QKI: variants seen among roughly 807,000 people sequenced by gnomAD.
QKI encodes QKI, KH domain containing RNA binding.
A neutral mutation model predicts 39.0 loss-of-function variants in QKI; 10 were observed. That is an observed-to-expected ratio of 0.26 (90% CI 0.16 to 0.43). The LOEUF (loss-of-function observed/expected upper bound fraction) is 0.43, where lower values mean the gene tolerates loss of function less well. Among genes scored for constraint, QKI ranks in the 20% least tolerant of loss-of-function variants. QKI has a pLI of 1.00. For missense variants in QKI, 218 were observed against 428.0 expected (o/e 0.51, Z 4.33); for synonymous variants, 204 against 155.4 (o/e 1.31, Z -2.33).
chr6:163,440,367 T>C (rs189733599), intron 1 of QKI, among the ~76,000 whole-genome samples: 275 of 152,318 alleles, frequency 1.8e-3, no homozygotes, highest in Non-Finnish European at 3.3e-3. Context: ...CTTTCCTAAC[T>C]ATGAAATGAA....
chr6:163,493,830 CA>C (rs1778221037), intron 3 of QKI, among the ~76,000 whole-genome samples: 1 of 107,488 alleles, frequency 9.3e-6, no homozygotes, highest in Non-Finnish European at 2.0e-5. Flanking sequence ...TCTAAAAAAT[CA>C]CTTTTTTAAA....
chr6:163,439,837 A>G (rs536464526), intron 1 of QKI, among the ~76,000 whole-genome samples: 1 of 151,996 alleles, frequency 6.6e-6, no homozygotes, highest in African/African-American at 2.4e-5. Flanking sequence ...TTTAGTAAAG[A>G]TTGAGTTTTG....
At chr6:163,478,514 ATGGACAGT>A (rs1792802797) in intron 2 of QKI, among the ~76,000 whole-genome samples, 1 of 152,180 alleles carries the variant, frequency 6.6e-6, no homozygotes, top group Non-Finnish European at 1.5e-5. Context: ...TTATTTGTTG[ATGGACAGT>A]TGTATCTGTT....
chr6:163,534,987 G>A lies in QKI; in HGVS notation c.408G>A (p.Glu136=), dbSNP rs138051763. 4 of 1,597,418 alleles carry A rather than the reference G, an allele frequency of 2.5e-6. No homozygotes were observed. The highest frequency in any genetic ancestry group is 1.7e-4 in the Middle Eastern group (1 of 5,956). The change falls in exon 4 of 8, where the codon GAG becomes GAA. Residue 136 remains glutamate (E), a synonymous_variant. Coordinates refer to ENST00000361752, the MANE Select transcript of QKI (RefSeq NM_006775.3). The stretch of plus-strand genomic sequence containing the variant: ...GTACTCTGTAAATTTTTTAGGAGGA[G>A]CAAAATAGAGGCAAGCCCAATTGGG... ...KGSMRDKKKE[E]QNRGKPNWEH... is the part of the protein sequence containing the mutation.
intron 1 of QKI, among the ~76,000 whole-genome samples, chr6:163,430,568 G>A (rs1582970948): frequency 6.6e-6 from 1 of 152,130 alleles, no homozygotes; most frequent in Non-Finnish European, 1.5e-5. Flanking sequence ...GGAGGAATAG[G>A]TACATCTGGA....
chr6:163,476,099 A>T (rs894728928), intron 2 of QKI, among the ~76,000 whole-genome samples: 2 of 152,208 alleles, frequency 1.3e-5, no homozygotes, highest in African/African-American at 2.4e-5. Context: ...GCTTAGCTTC[A>T]TTAGTAGTCA....
intron 4 of QKI, among the ~76,000 whole-genome samples, chr6:163,560,497 G>A (rs1002843695): frequency 5.3e-5 from 8 of 152,148 alleles, no homozygotes; most frequent in Non-Finnish European, 7.3e-5. Flanking sequence ...TTGTGGGGAT[G>A]GGGATAGGTA....
intron 3 of QKI, among the ~76,000 whole-genome samples, chr6:163,504,285 G>A (rs566030263): frequency 6.6e-6 from 1 of 152,118 alleles, no homozygotes; most frequent in Non-Finnish European, 1.5e-5. Flanking sequence ...TTGAAGTTGG[G>A]TAATGTGATA....
intron 3 of QKI, among the ~76,000 whole-genome samples, chr6:163,494,500 C>T (rs1185739300): frequency 6.6e-6 from 1 of 152,204 alleles, no homozygotes; most frequent in African/African-American, 2.4e-5. Context: ...GTCATTCAGA[C>T]ACGCACACAG....
chr6:163,546,355 G>A (rs1216016346), intron 4 of QKI, among the ~76,000 whole-genome samples: 1 of 151,768 alleles, frequency 6.6e-6, no homozygotes, highest in Non-Finnish European at 1.5e-5. Flanking sequence ...TTATAGTAGG[G>A]TGCATTGAAC....
At chr6:163,458,456 T>C (rs1027437018) in intron 2 of QKI, among the ~76,000 whole-genome samples, 3 of 152,264 alleles carry the variant, frequency 2.0e-5, no homozygotes, top group African/African-American at 7.2e-5. Context: ...ATAAATGGTG[T>C]ATTCACAATA....
chr6:163,546,565 A>G (rs777277668), intron 4 of QKI, among the ~76,000 whole-genome samples: 14 of 152,110 alleles, frequency 9.2e-5, no homozygotes, highest in African/African-American at 1.4e-4. Flanking sequence ...GTCCCTTACT[A>G]TATTTACTTT....
At chr6:163,466,631 C>CG (rs1175236554) in intron 2 of QKI, among the ~76,000 whole-genome samples, 1 of 152,088 alleles carries the variant, frequency 6.6e-6, no homozygotes, top group Non-Finnish European at 1.5e-5. Context: ...GAGAAAGAAT[C>CG]GTCTCTTCAA....
At chr6:163,508,503 C>T (rs1190481020) in intron 3 of QKI, among the ~76,000 whole-genome samples, 2 of 145,628 alleles carry the variant, frequency 1.4e-5, no homozygotes, top group Non-Finnish European at 3.0e-5. Context: ...TTTTCTTTTT[C>T]TTTTCTTTCT....
chr6:163,502,044 C>T (rs1475237525), intron 3 of QKI, among the ~76,000 whole-genome samples: 6 of 151,960 alleles, frequency 3.9e-5, no homozygotes, highest in Admixed American at 2.0e-4. Context: ...ATATTCTTGC[C>T]GGGCATGGTG....
chr6:163,555,522 A>AAG (rs1470974420), intron 4 of QKI, among the ~76,000 whole-genome samples: 1 of 150,916 alleles, frequency 6.6e-6, no homozygotes, highest in East Asian at 1.9e-4. Flanking sequence ...AAAAAAAAAA[A>AAG]AAAAAAAAGC....
At position 163,480,258 on chromosome 6, in the gene QKI, T is replaced by TC. The variant is rs1383600439; in HGVS notation, c.402+1362_402+1363insC. On this transcript the variant is annotated intron_variant, in intron 3 of 7. Coordinates refer to ENST00000361752, the MANE Select transcript of QKI (RefSeq NM_006775.3). ...GTCTGTCTGTCTGTCTGTCTGTCTCTTTCTCTCTCTCTCTCTCTCTTTCTT... is the reference window on the plus strand; with the variant it reads ...GTCTGTCTGTCTGTCTGTCTGTCTCTCTTCTCTCTCTCTCTCTCTCTTTCTT... Among the ~76,000 whole-genome samples the TC allele has an allele frequency of 8.5e-5, 13 of 152,120 alleles. 1 individual carries two copies. Among genetic ancestry groups the TC allele is most frequent in the African/African-American group, 3.1e-4 (13 of 41,408 alleles).
At chr6:163,544,529 T>TA (rs1308202289) in intron 4 of QKI, among the ~76,000 whole-genome samples, 88 of 152,224 alleles carry the variant, frequency 5.8e-4, no homozygotes, top group Admixed American at 2.9e-3. Context: ...GAACATCACT[T>TA]ACACTTTGCG....
intron 1 of QKI, among the ~76,000 whole-genome samples, chr6:163,422,019 G>A (rs1420731048): frequency 6.6e-6 from 1 of 151,792 alleles, no homozygotes; most frequent in African/African-American, 2.4e-5. Flanking sequence ...TGATCTGACC[G>A]CCTCGGCCTC....
Sources: allele counts gnomAD v4.1 joint callset (sites outside exome capture counted in the v4.1 genomes callset), GRCh38; gene constraint gnomAD v4.1.1; transcripts MANE v1.5; gene names NCBI Gene and HGNC (gene_info 2026-07-23, HGNC 2026-07-21).